CATSPER3: variants seen among roughly 807,000 people sequenced by gnomAD.
CATSPER3 encodes cation channel sperm-associated protein 3.
Under a neutral mutation model 36.6 loss-of-function variants are expected in CATSPER3, and 23 were observed. The ratio of observed to expected loss-of-function variants is 0.63; its 90% CI spans 0.45 to 0.89. The LOEUF (loss-of-function observed/expected upper bound fraction) is 0.89, where lower values mean the gene tolerates loss of function less well. Among genes scored for constraint, CATSPER3 ranks in the 40% least tolerant of loss-of-function variants. The pLI is 0.00. For synonymous variants in CATSPER3, 172 were observed against 184.1 expected, an observed-to-expected ratio of 0.93 and a Z score of 0.53; for missense variants, 474 against 503.9, an observed-to-expected ratio of 0.94 and a Z score of 0.57.
At position 135,008,907 on chromosome 5, in the gene CATSPER3, A is replaced by C; in HGVS notation, c.742A>C (p.Thr248Pro). 2 of 1,613,994 alleles carry C rather than the reference A, an allele frequency of 1.2e-6. No individual in the cohort carries two copies. The highest frequency in any genetic ancestry group is 1.7e-6 in the Non-Finnish European group (2 of 1,179,924). ...NREFALSRAF[T>P]IIFILLASFI... ...GGAATTTGCTTTGAGCCGGGCATTCACCATCATCTTCATCTTGCTCGCCTC... is the reference window on the plus strand; with the variant it reads ...GGAATTTGCTTTGAGCCGGGCATTCCCCATCATCTTCATCTTGCTCGCCTC... Residue 248 changes from threonine (T) to proline (P), a missense_variant, in exon 5 of 8, where the codon ACC becomes CCC. By Grantham distance (38) the Thr-to-Pro change is conservative (BLOSUM62 -1). Transcript: ENST00000282611.
chr5:134,980,022 T>G (rs1244298768), intron 2 of CATSPER3, among the ~76,000 whole-genome samples: 3 of 148,462 alleles, frequency 2.0e-5, no homozygotes, highest in African/African-American at 7.3e-5. Context: ...TACTCTGTTG[T>G]CTGGGCTAGA....
At chr5:134,971,402 C>G (rs945304078) in intron 2 of CATSPER3, among the ~76,000 whole-genome samples, 1 of 152,086 alleles carries the variant, frequency 6.6e-6, no homozygotes, top group Non-Finnish European at 1.5e-5. Flanking sequence ...GCCTGGGCAA[C>G]AGAGTGAGAC....
intron 2 of CATSPER3, among the ~76,000 whole-genome samples, chr5:134,984,450 G>C (rs1288688821): frequency 6.6e-6 from 1 of 152,002 alleles, no homozygotes; most frequent in African/African-American, 2.4e-5. Context: ...TTAAAAAATG[G>C]GCAAAGGCTA....
intron 2 of CATSPER3, among the ~76,000 whole-genome samples, chr5:134,988,429 G>A (rs1751836451): frequency 6.6e-6 from 1 of 152,196 alleles, no homozygotes; most frequent in South Asian, 2.1e-4. Context: ...ACCCACAGTA[G>A]AACTTCTTTC....
chr5:134,968,216 C>T (rs1751557865), intron 1 of CATSPER3, 127 bp downstream of exon 1: 8 of 720,140 alleles, frequency 1.1e-5, no homozygotes, highest in Non-Finnish European at 1.5e-5. Context: ...GTTGCATGTC[C>T]TTGACAATCT....
intron 2 of CATSPER3, among the ~76,000 whole-genome samples, chr5:134,977,533 T>C (rs1022507234): frequency 6.6e-6 from 1 of 152,206 alleles, no homozygotes; most frequent in Non-Finnish European, 1.5e-5. Flanking sequence ...TGTCCATGTC[T>C]TTATCAGCAT....
In CATSPER3 at chr5:135,011,543, A is replaced by T. The variant is rs1398835000; in HGVS notation, c.1117A>T (p.Ile373Phe). The T allele has an allele frequency of 6.2e-7, 1 of 1,613,922 alleles. No individual in the cohort carries two copies. Among genetic ancestry groups the T allele is most frequent in the Non-Finnish European group, 8.5e-7 (1 of 1,179,854 alleles). The stretch of plus-strand genomic sequence containing the variant: ...CAGGCTTCAAGAGCTGTACTATGAG[A>T]TCGTGCATGTGCTGAGCCTAATGCT... ...VHKLQELYYE[I>F]VHVLSLMLED... Residue 373 changes from isoleucine (I) to phenylalanine (F), a missense_variant, in exon 8 of 8, where the codon ATC becomes TTC. By Grantham distance (21) the Ile-to-Phe change is conservative (BLOSUM62 0). Coordinates refer to ENST00000282611, the MANE Select transcript of CATSPER3 (RefSeq NM_178019.3).
intron 2 of CATSPER3, among the ~76,000 whole-genome samples, chr5:134,972,047 T>A (rs1488257465): frequency 6.6e-6 from 1 of 152,156 alleles, no homozygotes; most frequent in Admixed American, 6.5e-5. Context: ...TAAAGTCTCA[T>A]ACACAATTAC....
Position 135,010,436 on chromosome 5 carries a change from A to G in CATSPER3, c.1000A>G (p.Thr334Ala). 6.2e-7 allele frequency: 1 copy of G among 1,613,694 alleles called. No homozygotes were observed. The highest frequency in any genetic ancestry group is 1.3e-5 in the African/African-American group (1 of 75,040). The change falls in exon 7 of 8, where the codon ACT becomes GCT. Residue 334 changes from threonine to alanine, a missense_variant. Thr to Ala is a moderately conservative substitution (Grantham distance 58). Transcript: ENST00000282611. Reference protein sequence around the residue: ...VENFKKTLSHTDPMVLDDFGT... With the variant: ...VENFKKTLSHADPMVLDDFGT... ...GAACTTTAAGAAGACCTTGAGCCAC[A>G]CTGACCCAATGGTCTTGGATGATTT...
intron 2 of CATSPER3, among the ~76,000 whole-genome samples, chr5:134,993,773 G>A (rs3909395): frequency 0.66 from 99,709 of 152,010 alleles, 32,874 homozygotes; most frequent in African/African-American, 0.73. Flanking sequence ...AATTTCTACT[G>A]CCCAAAACAA....
At chr5:135,009,227 C>T in intron 5 of CATSPER3, 144 bp from the exon 6 acceptor site, 1 of 995,124 alleles carries the variant, frequency 1.0e-6, no homozygotes, top group Non-Finnish European at 1.6e-6. Flanking sequence ...CTACAGTTGG[C>T]AGCTTGAGTG....
At chr5:134,997,622 C>T (rs1281572292) in intron 3 of CATSPER3, among the ~76,000 whole-genome samples, 1 of 152,162 alleles carries the variant, frequency 6.6e-6, no homozygotes, top group East Asian at 1.9e-4. Flanking sequence ...CTTGGTTTTC[C>T]TCCAGCCTGA....
Position 134,998,660 on chromosome 5 carries a change from C to A in CATSPER3, c.492+2148C>A, listed in dbSNP as rs531257071. Among the ~76,000 whole-genome samples, 22 of 152,356 alleles carry A rather than the reference C, an allele frequency of 1.4e-4. 1 individual carries two copies. The South Asian group carries it at 4.6e-3, about 32-fold the overall frequency. On this transcript the variant is annotated intron_variant, in intron 3 of 7. Transcript: ENST00000282611. ...CATTGTGGTTTTGATTTGCATTTCTCTGATGGCCAGTGATGATGAGCATTT... is the reference window on the plus strand; with the variant it reads ...CATTGTGGTTTTGATTTGCATTTCTATGATGGCCAGTGATGATGAGCATTT...
chr5:135,008,116 T>A lies in CATSPER3; in HGVS notation c.652T>A (p.Phe218Ile), dbSNP rs1371719244. 1.2e-6 allele frequency: 2 copies of A among 1,614,140 alleles called. No homozygotes were observed. The highest frequency in any genetic ancestry group is 2.2e-5 in the South Asian group (2 of 91,076). Reference sequence around the variant, plus strand: ...CTGGGGGAACCTGGCTGCAGCTTTTTTCACCCTCTTCAGCTTGGCCACGGT... The same window carrying A: ...CTGGGGGAACCTGGCTGCAGCTTTTATCACCCTCTTCAGCTTGGCCACGGT... The part of the protein sequence containing the change: ...DNWGNLAAAF[F>I]TLFSLATVDG... Residue 218 changes from phenylalanine to isoleucine, a missense_variant, in exon 4 of 8, where the codon TTC becomes ATC. By Grantham distance (21) the Phe-to-Ile change is conservative (BLOSUM62 0). Transcript: ENST00000282611.
In CATSPER3 at chr5:134,991,405, A is replaced by G. The variant is rs115675281; in HGVS notation, c.253-4868A>G. Among the ~76,000 whole-genome samples the G allele has an allele frequency of 8.4e-3, 1,274 of 152,364 alleles. 15 individuals are homozygous for G. The highest frequency in any genetic ancestry group is 0.029 in the African/African-American group (1,224 of 41,582). ...TGACTTCAAAACTTACTACAAAGAT[A>G]TAGTAATCAAAACAGCATGGTACTA... On this transcript the variant is annotated intron_variant, in intron 2 of 7. Coordinates refer to ENST00000282611, the MANE Select transcript of CATSPER3 (RefSeq NM_178019.3).
At chr5:134,992,363 G>A (rs1376402498) in intron 2 of CATSPER3, among the ~76,000 whole-genome samples, 2 of 152,092 alleles carry the variant, frequency 1.3e-5, no homozygotes, top group East Asian at 1.9e-4. Flanking sequence ...CTAGTCGTTA[G>A]GGAAATGCAA....
At chr5:135,007,030 C>A (rs10072362) in intron 3 of CATSPER3, among the ~76,000 whole-genome samples, 71,151 of 151,768 alleles carry the variant, frequency 0.47, 18,152 homozygotes, top group Middle Eastern at 0.7. Flanking sequence ...TCCCAGGTTA[C>A]CCCAAACTGT....
intron 2 of CATSPER3, 46 bp from the exon 3 acceptor site, chr5:134,996,227 G>C (rs371224536): frequency 1.9e-5 from 31 of 1,613,710 alleles, no homozygotes; most frequent in Non-Finnish European, 2.3e-5. Context: ...GAGCTCTAGG[G>C]CTGTGCAGCT....
chr5:135,003,667 G>A (rs542874798), intron 3 of CATSPER3, among the ~76,000 whole-genome samples: 1 of 152,330 alleles, frequency 6.6e-6, no homozygotes, highest in South Asian at 2.1e-4. Context: ...CGCCCATCCC[G>A]CAGCCTCGCT....
Sources: allele counts gnomAD v4.1 joint callset (sites outside exome capture counted in the v4.1 genomes callset), GRCh38; gene constraint gnomAD v4.1.1; transcripts MANE v1.5; gene names NCBI Gene and HGNC (gene_info 2026-07-23, HGNC 2026-07-21).